ARPC5L: variants seen among roughly 807,000 people sequenced by gnomAD.
ARPC5L encodes actin related protein 2/3 complex subunit 5 like.
Under a neutral mutation model 16.9 loss-of-function variants are expected in ARPC5L, and 4 were observed. The ratio of observed to expected loss-of-function variants is 0.24; its 90% CI spans 0.12 to 0.54. The LOEUF is 0.54. Among genes scored for constraint, ARPC5L ranks in the 20% least tolerant of loss-of-function variants. ARPC5L has a pLI of 0.95. For synonymous variants in ARPC5L, 78 were observed against 82.6 expected, an observed-to-expected ratio of 0.94 and a Z score of 0.30; for missense variants, 151 against 201.9, an observed-to-expected ratio of 0.75 and a Z score of 1.53.
In ARPC5L at chr9:124,877,056, A is replaced by T. The variant is rs1294336408; in HGVS notation, c.*116A>T. 1.3e-6 allele frequency: 1 copy of T among 750,758 alleles called. No individual in the cohort carries two copies. Among genetic ancestry groups the T allele is most frequent in the African/African-American group, 1.8e-5 (1 of 55,938 alleles). The allele number at this position is 750,758 out of a possible 1,614,324, so 46.5% of individuals were successfully genotyped here. On this transcript the variant is annotated 3_prime_UTR_variant, in exon 6 of 6. Transcript: ENST00000353214. ...ACTCCCAAGTAAACTATTTCAGGAC[A>T]TGTATCTGCTGAAATGTATTTTATT... is the stretch of plus-strand genomic sequence containing the variant.
intron 2 of ARPC5L, among the ~76,000 whole-genome samples, chr9:124,866,104 T>TA (rs565955796): frequency 2.9e-5 from 4 of 137,890 alleles, no homozygotes; most frequent in African/African-American, 1.1e-4. Flanking sequence ...GACTCCCTCT[T>TA]AAAAAAACAA....
intron 3 of ARPC5L, among the ~76,000 whole-genome samples, chr9:124,872,106 C>T (rs1318327918): frequency 2.0e-5 from 3 of 152,218 alleles, no homozygotes; most frequent in Non-Finnish European, 4.4e-5. Context: ...GATTGCTGGA[C>T]GCGTGGTGCT....
chr9:124,869,224 T>TGCGAGCGGAGCAGAGCCGAGGTCGGGCC lies in ARPC5L; in HGVS notation c.-55_-28dup, dbSNP rs1285388648. 3.5e-5 allele frequency: 48 copies of TGCGAGCGGAGCAGAGCCGAGGTCGGGCC among 1,379,312 alleles called. No homozygotes were observed. The highest frequency in any genetic ancestry group is 4.2e-5 in the Non-Finnish European group (45 of 1,065,352). 85.4% of individuals were successfully genotyped at this position (1,379,312 alleles called of 1,614,324 possible). ...CTTCCCGCCCCCGAGCAGGAGCCGGTGCGAGCGGAGCAGAGCCGAGGTCGG... is the reference window on the plus strand; with the variant it reads ...CTTCCCGCCCCCGAGCAGGAGCCGGTGCGAGCGGAGCAGAGCCGAGGTCGGGCCGCGAGCGGAGCAGAGCCGAGGTCGG... On this transcript the variant is annotated 5_prime_UTR_variant, in exon 3 of 6. Coordinates refer to ENST00000353214, the MANE Select transcript of ARPC5L (RefSeq NM_030978.3).
At chr9:124,874,341 T>C (rs1829402458) in intron 4 of ARPC5L, among the ~76,000 whole-genome samples, 1 of 152,198 alleles carries the variant, frequency 6.6e-6, no homozygotes, top group Non-Finnish European at 1.5e-5. Context: ...AACCTGGTTT[T>C]ATTTTTATTT....
At chr9:124,868,151 G>T (rs762706977) in intron 2 of ARPC5L, among the ~76,000 whole-genome samples, 9 of 152,050 alleles carry the variant, frequency 5.9e-5, no homozygotes, top group Non-Finnish European at 1.2e-4. Context: ...CGAAGATAAG[G>T]TTGCATCATA....
chr9:124,875,167 C>A lies in ARPC5L; in HGVS notation c.399+16C>A. ...GCACGAAAAGGTATGTGAACGCTGCCACGCGCCCCAGTGAGCCACCTGGCT... is the reference window on the plus strand; with the variant it reads ...GCACGAAAAGGTATGTGAACGCTGCAACGCGCCCCAGTGAGCCACCTGGCT... On this transcript the variant is annotated intron_variant, in intron 5 of 5. Transcript: ENST00000353214. 6.2e-7 allele frequency: 1 copy of A among 1,607,638 alleles called. No individual in the cohort carries two copies. The highest frequency in any genetic ancestry group is 1.1e-5 in the South Asian group (1 of 90,384).
At position 124,862,530 on chromosome 9, in the gene ARPC5L, G is replaced by A. The variant is rs1382388469; in HGVS notation, c.-984+132G>A. ...CCTTTTTTTTTTTTTTTTTTTTTGA[G>A]ACAGAGCTTCATTCTGTCGCCCAGG... On this transcript the variant is annotated intron_variant, in intron 1 of 5. Coordinates refer to ENST00000353214, the MANE Select transcript of ARPC5L (RefSeq NM_030978.3). 51 of 97,946 alleles carry A rather than the reference G, an allele frequency of 5.2e-4. 1 individual carries two copies. The highest frequency in any genetic ancestry group is 2.0e-3 in the African/African-American group (48 of 24,458). 6.1% of individuals were successfully genotyped at this position (97,946 alleles called of 1,614,324 possible).
In ARPC5L at chr9:124,875,010, A is replaced by G. The variant is rs1829411884; in HGVS notation, c.258A>G (p.Thr86=). 1.2e-6 allele frequency: 2 copies of G among 1,614,054 alleles called. No homozygotes were observed. Among genetic ancestry groups the G allele is most frequent in the Non-Finnish European group, 8.5e-7 (1 of 1,179,904 alleles). ...AGGGCGTGGTGCTGAAAGTGCTCAC[A>G]AACTTCAAGAGCAGTGAGATTGAGC... ...RAQGVVLKVL[T]NFKSSEIEQA... The change falls in exon 5 of 6, where the codon ACA becomes ACG. Residue 86 remains threonine (T), a synonymous_variant. Coordinates refer to ENST00000353214, the MANE Select transcript of ARPC5L (RefSeq NM_030978.3).
rs1010392933 is a variant in ARPC5L, at chr9:124,877,250, G to A, written c.*310G>A. ...CACTGGGGGAGGGATGGTTTGGGCA[G>A]GTGCAGATCCAAGGGCTGTGGTAAA... is the stretch of plus-strand genomic sequence containing the variant. On this transcript the variant is annotated 3_prime_UTR_variant, in exon 6 of 6. Transcript: ENST00000353214. 4.8e-5 allele frequency: 15 copies of A among 310,262 alleles called. No individual in the cohort carries two copies. Among genetic ancestry groups the A allele is most frequent in the Non-Finnish European group, 6.5e-5 (11 of 168,564 alleles). The allele number at this position is 310,262 out of a possible 1,614,324, so 19.2% of individuals were successfully genotyped here.
In ARPC5L at chr9:124,873,767, A is replaced by G. The variant is rs746967164; in HGVS notation, c.222+3A>G. The G allele has an allele frequency of 6.2e-7, 1 of 1,614,092 alleles. No homozygotes were observed. Among genetic ancestry groups the G allele is most frequent in the Admixed American group, 1.7e-5 (1 of 60,028 alleles). The stretch of plus-strand genomic sequence containing the variant: ...ACACCAAGAATCAAGCTGTGAAGGT[A>G]AAGGGGTGGCGCTGCGGCTCTGCTG... On this transcript the variant is annotated splice_donor_region_variant and intron_variant, in intron 4 of 5. Transcript: ENST00000353214.
rs1223219982 is a variant in ARPC5L, at chr9:124,874,979, G to A, written c.227G>A (p.Arg76Gln). ...VNTKNQAVKE[R>Q]AQGVVLKVLT... ...CTTGCTCTTTTTCGTCTGCAGGAGC[G>A]AGCCCAGGGCGTGGTGCTGAAAGTG... is the stretch of plus-strand genomic sequence containing the variant. Residue 76 changes from arginine (R) to glutamine (Q), a missense_variant, in exon 5 of 6, where the codon CGA (arginine) becomes CAA (glutamine). Arg to Gln is a conservative substitution (Grantham distance 43). Coordinates refer to ENST00000353214, the MANE Select transcript of ARPC5L (RefSeq NM_030978.3). 3 of 1,613,666 alleles carry A rather than the reference G, an allele frequency of 1.9e-6. No homozygotes were observed.
At chr9:124,874,347 T>C (rs1312394613) in intron 4 of ARPC5L, among the ~76,000 whole-genome samples, 1 of 152,190 alleles carries the variant, frequency 6.6e-6, no homozygotes, top group Non-Finnish European at 1.5e-5. Context: ...GTTTTATTTT[T>C]ATTTTTTAAT....
At chr9:124,869,490 C>A in intron 3 of ARPC5L, 51 bp downstream of exon 3, 4 of 1,404,582 alleles carry the variant, frequency 2.8e-6, no homozygotes, top group South Asian at 1.5e-5. Context: ...TTCTCACCTT[C>A]CCACCTTCCC....
At position 124,877,071 on chromosome 9, in the gene ARPC5L, T is replaced by C; in HGVS notation, c.*131T>C. 4.3e-6 allele frequency: 3 copies of C among 703,278 alleles called. No homozygotes were observed. The South Asian group carries it at 5.8e-5, about 14-fold the overall frequency. 43.6% of individuals were successfully genotyped at this position (703,278 alleles called of 1,614,324 possible). A position where few individuals can be genotyped will look rare whatever the true frequency, so the allele number is the denominator to read the frequency against. On this transcript the variant is annotated 3_prime_UTR_variant, in exon 6 of 6. Transcript: ENST00000353214. ...ATTTCAGGACATGTATCTGCTGAAATGTATTTTATTTTCAAGGTGGAGGGG... is the reference window on the plus strand; with the variant it reads ...ATTTCAGGACATGTATCTGCTGAAACGTATTTTATTTTCAAGGTGGAGGGG...
In ARPC5L at chr9:124,869,081, C is replaced by T. The variant is rs1481744652; in HGVS notation, c.-210C>T. ...GTGATCCCATACCGCACTCCAGGTG[C>T]CAGGCTCCGCCCCGCCCCTGACGGC... On this transcript the variant is annotated 5_prime_UTR_variant, in exon 3 of 6. Transcript: ENST00000353214. 1.1e-5 allele frequency: 5 copies of T among 455,766 alleles called. No homozygotes were observed. Among genetic ancestry groups the T allele is most frequent in the Non-Finnish European group, 1.8e-5 (5 of 276,246 alleles). 28.2% of individuals were successfully genotyped at this position (455,766 alleles called of 1,614,324 possible). A position where few individuals can be genotyped will look rare whatever the true frequency, so the allele number is the denominator to read the frequency against.
Position 124,869,026 on chromosome 9 carries a change from G to T in ARPC5L, c.-265G>T. On this transcript the variant is annotated 5_prime_UTR_variant, in exon 3 of 6. Transcript: ENST00000353214. ...CTCAGTGACAAAATAGAGACTCCGTGGAAGGGACACTGAGGTGGGGGAGGC... is the reference window on the plus strand; with the variant it reads ...CTCAGTGACAAAATAGAGACTCCGTTGAAGGGACACTGAGGTGGGGGAGGC... 1 of 361,050 alleles carries T rather than the reference G, an allele frequency of 2.8e-6. No individual in the cohort carries two copies. The highest frequency in any genetic ancestry group is 4.9e-6 in the Non-Finnish European group (1 of 203,562). 22.4% of individuals were successfully genotyped at this position (361,050 alleles called of 1,614,324 possible). A position where few individuals can be genotyped will look rare whatever the true frequency, so the allele number is the denominator to read the frequency against.
At chr9:124,873,435 G>T in intron 3 of ARPC5L, 1 of 530,528 alleles carries the variant, frequency 1.9e-6, no homozygotes, top group Non-Finnish European at 3.4e-6. Context: ...TTTACATCAA[G>T]TTACCCCTCC....
chr9:124,871,503 G>C (rs530058308), intron 3 of ARPC5L, among the ~76,000 whole-genome samples: 2 of 152,184 alleles, frequency 1.3e-5, no homozygotes, highest in Admixed American at 6.5e-5. Flanking sequence ...TGTGAGGGCC[G>C]TGTAGACAGC....
chr9:124,874,707 T>TTC lies in ARPC5L; in HGVS notation c.223-249_223-248dup, dbSNP rs35052557. Among the ~76,000 whole-genome samples, 1,289 of 149,284 alleles carry TTC rather than the reference T, an allele frequency of 8.6e-3. 20 individuals are homozygous for TTC. The highest frequency in any genetic ancestry group is 0.028 in the African/African-American group (1,128 of 40,734). ...TCCCTCCCTCTCTCCCTCTTTTCTC[T>TTC]TCTCTCTCTCTCTCTCTCTCAGAGT... On this transcript the variant is annotated intron_variant, in intron 4 of 5. Transcript: ENST00000353214.
Sources: gnomAD v4.1 joint callset for allele counts (sites outside exome capture counted in the v4.1 genomes callset) on GRCh38, gnomAD v4.1.1 for gene constraint, MANE v1.5 for transcripts, NCBI Gene and HGNC (gene_info 2026-07-23, HGNC 2026-07-21) for gene names.